PIGL: variants seen among roughly 807,000 people sequenced by gnomAD.
The protein encoded by PIGL is phosphatidylinositol glycan anchor biosynthesis class L.
In PIGL, 22 loss-of-function variants were observed where a neutral mutation model predicts 31.1. The observed-to-expected ratio is 0.71, with a 90% CI of 0.51 to 1.01. The LOEUF (loss-of-function observed/expected upper bound fraction) is 1.01, where lower values mean the gene tolerates loss of function less well. PIGL is among the 50% of genes least tolerant of loss of function. The pLI is 0.00. For missense variants in PIGL, 302 were observed against 315.9 expected (o/e 0.96, Z 0.33); for synonymous variants, 131 against 117.4 (o/e 1.12, Z -0.75).
At chr17:16,238,773 G>A (rs951109573) in intron 2 of PIGL, among the ~76,000 whole-genome samples, 4 of 150,880 alleles carry the variant, frequency 2.7e-5, no homozygotes, top group Admixed American at 2.0e-4. Flanking sequence ...GCCAGATGTG[G>A]TGGTACGTGC....
chr17:16,226,117 C>G (rs1600741957), intron 1 of PIGL, among the ~76,000 whole-genome samples: 1 of 152,096 alleles, frequency 6.6e-6, no homozygotes, highest in East Asian at 1.9e-4. Context: ...CTAGAGTAAG[C>G]TATGATGATC....
At chr17:16,245,326 C>T (rs1451427517) in intron 2 of PIGL, among the ~76,000 whole-genome samples, 3 of 151,738 alleles carry the variant, frequency 2.0e-5, no homozygotes, top group South Asian at 4.2e-4. Flanking sequence ...GGGATTTTGC[C>T]GTGTTGGCCA....
intron 1 of PIGL, among the ~76,000 whole-genome samples, chr17:16,219,064 A>AT (rs2092613229): frequency 9.7e-6 from 1 of 103,144 alleles, no homozygotes; most frequent in Non-Finnish European, 2.1e-5. Flanking sequence ...ATTTTTTATA[A>AT]ATTTTTTTTT....
intron 2 of PIGL, among the ~76,000 whole-genome samples, chr17:16,282,355 G>C (rs552106074): frequency 1.3e-5 from 2 of 152,154 alleles, no homozygotes; most frequent in South Asian, 4.1e-4. Flanking sequence ...AAAAGCCTAA[G>C]TTATAGGAGA....
intron 1 of PIGL, 86 bp downstream of exon 1, chr17:16,217,547 G>A: frequency 1.9e-6 from 2 of 1,074,232 alleles, no homozygotes; most frequent in East Asian, 4.8e-5. Context: ...TCTTCTCGAA[G>A]TTTTCCGTAG....
chr17:16,268,213 G>A (rs2092853658), intron 2 of PIGL, among the ~76,000 whole-genome samples: 2 of 152,142 alleles, frequency 1.3e-5, no homozygotes, highest in Admixed American at 1.3e-4. Context: ...GAAGAAGCAG[G>A]AGAAGAGCAT....
intron 2 of PIGL, among the ~76,000 whole-genome samples, chr17:16,277,868 A>C (rs1272722181): frequency 6.6e-6 from 1 of 152,132 alleles, no homozygotes; most frequent in Non-Finnish European, 1.5e-5. Flanking sequence ...AACAACATAC[A>C]CTAAGTCATA....
intron 3 of PIGL, among the ~76,000 whole-genome samples, chr17:16,306,003 C>G (rs903001304): frequency 1.7e-4 from 26 of 152,170 alleles, no homozygotes; most frequent in African/African-American, 6.0e-4. Context: ...GGCTGGAGTA[C>G]AGTGGCACGA....
Position 16,220,627 on chromosome 17 carries a change from A to G in PIGL, c.235+3166A>G, listed in dbSNP as rs1600734941. On this transcript the variant is annotated intron_variant, in intron 1 of 6. Transcript: ENST00000225609. The stretch of plus-strand genomic sequence containing the variant: ...CCTCAGCCTCTGGAGTAGCGGGATT[A>G]CAGGCATTCACCGCCACGCCCAGCC... 2.0e-5 allele frequency among the ~76,000 whole-genome samples: 3 copies of G among 151,490 alleles called. No homozygotes were observed. The East Asian group carries it at 5.9e-4, about 30-fold the overall frequency.
chr17:16,226,234 A>T (rs2092651758), intron 1 of PIGL, among the ~76,000 whole-genome samples: 1 of 152,064 alleles, frequency 6.6e-6, no homozygotes, highest in African/African-American at 2.4e-5. Context: ...CTGCCTCACA[A>T]TGTTTAGTAC....
chr17:16,237,409 ATT>A (rs927858526), intron 2 of PIGL, among the ~76,000 whole-genome samples: 1 of 144,578 alleles, frequency 6.9e-6, no homozygotes. Flanking sequence ...CGCCTGGCCT[ATT>A]TTTTTTTTTA....
chr17:16,296,385 G>A (rs2092982132), intron 2 of PIGL, among the ~76,000 whole-genome samples: 1 of 152,052 alleles, frequency 6.6e-6, no homozygotes, highest in South Asian at 2.1e-4. Flanking sequence ...ACTGAGGTGG[G>A]CGGATCACAA....
chr17:16,291,900 G>A (rs1367501087), intron 2 of PIGL, among the ~76,000 whole-genome samples: 1 of 151,726 alleles, frequency 6.6e-6, no homozygotes, highest in Non-Finnish European at 1.5e-5. Context: ...GGCTGAGGCA[G>A]GAGGATCACT....
At chr17:16,285,371 G>A (rs2092933029) in intron 2 of PIGL, among the ~76,000 whole-genome samples, 1 of 152,084 alleles carries the variant, frequency 6.6e-6, no homozygotes, top group African/African-American at 2.4e-5. Flanking sequence ...TGGATCACGA[G>A]GTCAGGAGTT....
chr17:16,229,214 C>T (rs1463523994), intron 1 of PIGL, among the ~76,000 whole-genome samples: 1 of 152,042 alleles, frequency 6.6e-6, no homozygotes, highest in Non-Finnish European at 1.5e-5. Flanking sequence ...GAGGTCAAGG[C>T]TGCAGTAAGC....
At chr17:16,260,334 A>T (rs2142747770) in intron 2 of PIGL, among the ~76,000 whole-genome samples, 1 of 152,296 alleles carries the variant, frequency 6.6e-6, no homozygotes, top group Non-Finnish European at 1.5e-5. Context: ...TGGAGTGAGA[A>T]CTTATGGTGC....
chr17:16,282,452 A>G (rs567378385), intron 2 of PIGL, among the ~76,000 whole-genome samples: 1 of 152,198 alleles, frequency 6.6e-6, no homozygotes, highest in South Asian at 2.1e-4. Flanking sequence ...TATGTAAAAT[A>G]TCTAATTTTA....
intron 2 of PIGL, among the ~76,000 whole-genome samples, chr17:16,263,443 T>A (rs974742332): frequency 1.3e-5 from 2 of 152,108 alleles, no homozygotes; most frequent in Non-Finnish European, 2.9e-5. Flanking sequence ...GCCTCCCAAA[T>A]TACAGTTGTG....
intron 6 of PIGL, among the ~76,000 whole-genome samples, chr17:16,320,021 C>G (rs56326304): frequency 0.39 from 59,123 of 150,114 alleles, 13,512 homozygotes; most frequent in Middle Eastern, 0.52. Context: ...GATTGTGGCT[C>G]GTGCCTGTAG....
Sources: gnomAD v4.1 joint callset for allele counts (sites outside exome capture counted in the v4.1 genomes callset) on GRCh38, gnomAD v4.1.1 for gene constraint, MANE v1.5 for transcripts, NCBI Gene and HGNC (gene_info 2026-07-23, HGNC 2026-07-21) for gene names.